Variants in PHF2 observed in about 807,000 individuals in gnomAD.
PHF2 encodes the protein PHD finger protein 2.
A neutral mutation model predicts 120.5 loss-of-function variants in PHF2; 27 were observed. The ratio of observed to expected loss-of-function variants is 0.22; its 90% CI spans 0.17 to 0.31. PHF2 has a LOEUF of 0.31. Among genes scored for constraint, PHF2 ranks in the 10% least tolerant of loss-of-function variants. The probability of loss-of-function intolerance (pLI) is 1.00; values close to 1 mark genes in which losing one functional copy is unlikely to be tolerated. For synonymous variants in PHF2, 568 were observed against 592.5 expected, an observed-to-expected ratio of 0.96 and a Z score of 0.60; for missense variants, 1,024 against 1,434.8, an observed-to-expected ratio of 0.71 and a Z score of 4.63.
intron 1 of PHF2, among the ~76,000 whole-genome samples, chr9:93,621,416 G>A (rs559996085): frequency 1.3e-5 from 2 of 152,232 alleles, no homozygotes; most frequent in African/African-American, 2.4e-5. Flanking sequence ...CAAGGCAGCT[G>A]TCCTGGCCAA....
rs1190868913 is a variant in PHF2, at chr9:93,677,476, G to T, written c.3203-112G>T. ...TTCATAGGCCCATTTTACAGATGGGGGACTGCAGGCTGCCCCTTAGTGTCA... is the reference window on the plus strand; with the variant it reads ...TTCATAGGCCCATTTTACAGATGGGTGACTGCAGGCTGCCCCTTAGTGTCA... On this transcript the variant is annotated intron_variant, in intron 21 of 21. Coordinates refer to ENST00000359246, the MANE Select transcript of PHF2 (RefSeq NM_005392.4). This position sits in a 1 kb window ranked among gnomAD's most constrained non-coding sequence, Gnocchi z 4.4. 1.3e-6 allele frequency: 1 copy of T among 759,126 alleles called. No homozygotes were observed. The highest frequency in any genetic ancestry group is 2.5e-5 in the East Asian group (1 of 40,752). 47.0% of individuals were successfully genotyped at this position (759,126 alleles called of 1,614,324 possible).
At chr9:93,633,723 T>C (rs1278109098) in intron 2 of PHF2, among the ~76,000 whole-genome samples, 1 of 152,144 alleles carries the variant, frequency 6.6e-6, no homozygotes, top group Non-Finnish European at 1.5e-5. Context: ...GGTACGCAGG[T>C]GTAGCCGGGG....
intron 10 of PHF2, 112 bp from the exon 11 acceptor site, chr9:93,659,399 C>G: frequency 2.4e-6 from 2 of 838,072 alleles, no homozygotes; most frequent in South Asian, 3.1e-5. Context: ...AGCCCCTCGC[C>G]TCATGCTCAT....
At chr9:93,621,720 C>G (rs1413944981) in intron 1 of PHF2, among the ~76,000 whole-genome samples, 1 of 152,138 alleles carries the variant, frequency 6.6e-6, no homozygotes, top group Non-Finnish European at 1.5e-5. Context: ...GGCCTTCCCC[C>G]CTGTAAAGTA....
Position 93,666,086 on chromosome 9 carries a change from A to G in PHF2, c.2187+26A>G, listed in dbSNP as rs760095298. 9 of 1,602,856 alleles carry G rather than the reference A, an allele frequency of 5.6e-6. No individual in the cohort carries two copies. In the East Asian group the frequency reaches 1.3e-4, roughly 24 times the overall value. ...GTGAGCTGCCTTACAGGCCCCCCTC[A>G]GTCTCGGGGGGCATCTCTGGGCAGT... On this transcript the variant is annotated intron_variant, in intron 16 of 21. Coordinates refer to ENST00000359246, the MANE Select transcript of PHF2 (RefSeq NM_005392.4).
intron 1 of PHF2, among the ~76,000 whole-genome samples, chr9:93,618,612 C>T (rs190044478): frequency 4.6e-5 from 7 of 152,338 alleles, no homozygotes; most frequent in Admixed American, 2.0e-4. Flanking sequence ...ACATGATGTT[C>T]TTCACTTAAC....
chr9:93,599,564 A>C (rs1231596785), intron 1 of PHF2, among the ~76,000 whole-genome samples: 1 of 152,266 alleles, frequency 6.6e-6, no homozygotes, highest in African/African-American at 2.4e-5. Flanking sequence ...CACTGCCTGA[A>C]TGCCAGTGTT....
chr9:93,588,561 C>T (rs1443871379), intron 1 of PHF2, among the ~76,000 whole-genome samples: 3 of 152,186 alleles, frequency 2.0e-5, no homozygotes, highest in African/African-American at 7.2e-5. Flanking sequence ...AAGCTGCCCT[C>T]CCCACTCCCC....
intron 1 of PHF2, among the ~76,000 whole-genome samples, chr9:93,583,322 A>T (rs540075539): frequency 2.0e-5 from 3 of 152,318 alleles, no homozygotes; most frequent in African/African-American, 7.2e-5. Flanking sequence ...GTGTATGGGC[A>T]TCTGGGTTCT....
At position 93,677,564 on chromosome 9, in the gene PHF2, G is replaced by A. The variant is rs199504813; in HGVS notation, c.3203-24G>A. On this transcript the variant is annotated intron_variant, in intron 21 of 21. Coordinates refer to ENST00000359246, the MANE Select transcript of PHF2 (RefSeq NM_005392.4). The surrounding 1 kb of genome is among the most constrained non-coding windows in gnomAD (Gnocchi z 4.4). ...GCCATCTAGCTTACCTTCCCTTTTT[G>A]TGTCCCCTCCCCGACTCCCCTAGGA... The A allele has an allele frequency of 1.3e-5, 20 of 1,593,510 alleles. No individual in the cohort carries two copies. The highest frequency in any genetic ancestry group is 1.7e-5 in the Non-Finnish European group (20 of 1,166,068).
intron 4 of PHF2, among the ~76,000 whole-genome samples, chr9:93,646,308 G>A (rs1826259097): frequency 6.6e-6 from 1 of 152,268 alleles, no homozygotes; most frequent in South Asian, 2.1e-4. Context: ...GGTTAGGTGG[G>A]CACTTGTGGG....
rs554099817 is a variant in PHF2, at chr9:93,631,933, TAGTC to T, written c.184+1881_184+1884del. Reference sequence around the variant, plus strand: ...CCCCTGGGCCAGGGGCCTCTTCTGATAGTCAGCATACATTTCAAGGGGTCCTTGC... The same window carrying T: ...CCCCTGGGCCAGGGGCCTCTTCTGATAGCATACATTTCAAGGGGTCCTTGC... On this transcript the variant is annotated intron_variant, in intron 2 of 21. Transcript: ENST00000359246. 2.6e-3 allele frequency among the ~76,000 whole-genome samples: 389 copies of T among 152,184 alleles called. 2 individuals are homozygous for T. Among genetic ancestry groups the T allele is most frequent in the African/African-American group, 8.9e-3 (370 of 41,528 alleles).
chr9:93,614,793 G>T (rs1437131524), intron 1 of PHF2, among the ~76,000 whole-genome samples: 2 of 152,096 alleles, frequency 1.3e-5, no homozygotes, highest in East Asian at 3.9e-4. Context: ...TGGCGAGGAT[G>T]ATGATGGTAA....
At chr9:93,645,503 C>A in intron 3 of PHF2, 126 bp from the exon 4 acceptor site, 1 of 976,848 alleles carries the variant, frequency 1.0e-6, no homozygotes, top group Non-Finnish European at 1.5e-6. Context: ...AGGCCTCCTC[C>A]TGTGGCTGTG....
At chr9:93,642,859 G>A (rs2131670054) in intron 3 of PHF2, among the ~76,000 whole-genome samples, 1 of 152,216 alleles carries the variant, frequency 6.6e-6, no homozygotes, top group South Asian at 2.1e-4. Flanking sequence ...CTACTGTTTA[G>A]TGCATCCATT....
chr9:93,598,484 AC>A (rs1825374411), intron 1 of PHF2, among the ~76,000 whole-genome samples: 2 of 152,142 alleles, frequency 1.3e-5, no homozygotes, highest in African/African-American at 4.8e-5. Context: ...TTTTGAGAAA[AC>A]AAAGCTGCCA....
chr9:93,666,186 T>G, intron 16 of PHF2, 126 bp downstream of exon 16: 2 of 793,302 alleles, frequency 2.5e-6, no homozygotes, highest in East Asian at 2.6e-5. Context: ...AAGGGGCCCC[T>G]TACCCTCACC....
At position 93,633,005 on chromosome 9, in the gene PHF2, G is replaced by A. The variant is rs545780307; in HGVS notation, c.184+2950G>A. ...GCCTTGCACACCAAGGCACACTGGG[G>A]ATAAGAGGGCCACTCTGTGTCCCTG... On this transcript the variant is annotated intron_variant, in intron 2 of 21. Coordinates refer to ENST00000359246, the MANE Select transcript of PHF2 (RefSeq NM_005392.4). Among the ~76,000 whole-genome samples the A allele has an allele frequency of 2.6e-5, 4 of 152,264 alleles. No homozygotes were observed. In the East Asian group the frequency reaches 7.7e-4, roughly 29 times the overall value.
Position 93,673,573 on chromosome 9 carries a change from C to A in PHF2, c.2349-12C>A. On this transcript the variant is annotated splice_polypyrimidine_tract_variant and intron_variant, in intron 17 of 21. Transcript: ENST00000359246. ...AGCACTGGGCTGAGTGCCTGTCTCTCTGTGCCCCTAGCCAGCCCCCGGCCT... is the reference window on the plus strand; with the variant it reads ...AGCACTGGGCTGAGTGCCTGTCTCTATGTGCCCCTAGCCAGCCCCCGGCCT... 6.5e-7 allele frequency: 1 copy of A among 1,546,612 alleles called. No homozygotes were observed. The highest frequency in any genetic ancestry group is 1.2e-5 in the South Asian group (1 of 80,756).
Sources: gnomAD v4.1 joint callset for allele counts (sites outside exome capture counted in the v4.1 genomes callset) on GRCh38, gnomAD v4.1.1 for gene constraint, Gnocchi (gnomAD v3.1) non-coding constraint, MANE v1.5 for transcripts, NCBI Gene and HGNC (gene_info 2026-07-23, HGNC 2026-07-21) for gene names.